SF3A1: variants seen among roughly 807,000 people sequenced by gnomAD.
SF3A1 encodes SAP 114.
In SF3A1, 13 loss-of-function variants were observed where a neutral mutation model predicts 89.9. That is an observed-to-expected ratio of 0.14 (90% CI 0.09 to 0.23). The LOEUF (loss-of-function observed/expected upper bound fraction) is 0.23. Among genes scored for constraint, SF3A1 ranks in the 10% least tolerant of loss-of-function variants. SF3A1 has a pLI of 1.00. For synonymous variants in SF3A1, 405 were observed against 374.4 expected, an observed-to-expected ratio of 1.08 and a Z score of -0.94; for missense variants, 604 against 1,022.1, an observed-to-expected ratio of 0.59 and a Z score of 5.58.
intron 7 of SF3A1, among the ~76,000 whole-genome samples, chr22:30,341,040 C>T (rs2145807808): frequency 6.6e-6 from 1 of 150,608 alleles, no homozygotes; most frequent in East Asian, 2.0e-4. Flanking sequence ...CAGGCATTTC[C>T]AGCAGCTGGC....
chr22:30,353,754 G>A (rs934863481), intron 1 of SF3A1, among the ~76,000 whole-genome samples: 2 of 152,084 alleles, frequency 1.3e-5, no homozygotes, highest in Admixed American at 1.3e-4. Flanking sequence ...GTCTGCCGAC[G>A]CTCCCGGATG....
At chr22:30,351,301 T>TAA (rs796147259) in intron 2 of SF3A1, among the ~76,000 whole-genome samples, 1 of 143,394 alleles carries the variant, frequency 7.0e-6, no homozygotes. Context: ...CCATGTCATT[T>TAA]AAAAAAAAAA....
In SF3A1 at chr22:30,333,931, G is replaced by C. The variant is rs1930987763; in HGVS notation, c.*663C>G. 1 of 152,172 alleles carries C rather than the reference G, an allele frequency of 6.6e-6. No homozygotes were observed. Among genetic ancestry groups the C allele is most frequent in the Admixed American group, 6.5e-5 (1 of 15,270 alleles). 9.4% of individuals were successfully genotyped at this position (152,172 alleles called of 1,614,324 possible). On this transcript the variant is annotated 3_prime_UTR_variant, in exon 16 of 16. Coordinates refer to ENST00000215793, the MANE Select transcript of SF3A1 (RefSeq NM_005877.6). Reference sequence around the variant, plus strand: ...ACAGGGACTGCACCATCCATCCTTGGTTTGCATGGTGCCTGCCATGCTTCC... The same window carrying C: ...ACAGGGACTGCACCATCCATCCTTGCTTTGCATGGTGCCTGCCATGCTTCC...
At chr22:30,336,650 G>T (rs981077384) in intron 13 of SF3A1, among the ~76,000 whole-genome samples, 8 of 152,116 alleles carry the variant, frequency 5.3e-5, no homozygotes, top group Non-Finnish European at 1.2e-4. Flanking sequence ...GCTAGAGCTG[G>T]GGAGGAAGGC....
intron 1 of SF3A1, among the ~76,000 whole-genome samples, chr22:30,356,393 G>C (rs763792641): frequency 2.6e-5 from 4 of 152,246 alleles, no homozygotes; most frequent in African/African-American, 9.6e-5. Flanking sequence ...AAGATCAGAG[G>C]ATGGGCTGGA....
chr22:30,337,906 G>T lies in SF3A1; in HGVS notation c.1744-9C>A, dbSNP rs368044406. The T allele has an allele frequency of 1.1e-4, 169 of 1,590,156 alleles. No homozygotes were observed. Among genetic ancestry groups the T allele is most frequent in the Non-Finnish European group, 1.0e-4 (118 of 1,167,356 alleles). ...CGAACTGGAGGTGGCATCTGTGCAG[G>T]AAAGAGACCCACAGATTACAGGAAG... On this transcript the variant is annotated splice_polypyrimidine_tract_variant and intron_variant, in intron 11 of 15. Coordinates refer to ENST00000215793, the MANE Select transcript of SF3A1 (RefSeq NM_005877.6).
chr22:30,352,888 ATTCAGTG>A (rs2145823321), intron 2 of SF3A1, 56 bp downstream of exon 2: 1 of 1,591,070 alleles, frequency 6.3e-7, no homozygotes, highest in East Asian at 2.2e-5. Flanking sequence ...CCTTGTGCTG[ATTCAGTG>A]CTGAAGTCTC....
intron 1 of SF3A1, 133 bp from the exon 2 acceptor site, chr22:30,353,205 C>A: frequency 8.5e-7 from 1 of 1,176,678 alleles, no homozygotes; most frequent in Non-Finnish European, 1.2e-6. Context: ...GAACCCTCTA[C>A]TTCAGAAAAG....
At chr22:30,337,227 C>G in intron 12 of SF3A1, 47 bp from the exon 13 acceptor site, 1 of 1,538,906 alleles carries the variant, frequency 6.5e-7, no homozygotes, top group Middle Eastern at 2.1e-4. Context: ...AGAAGGGGCC[C>G]AGGACTCAGG....
At chr22:30,352,813 C>T in intron 2 of SF3A1, 138 bp downstream of exon 2, 1 of 968,482 alleles carries the variant, frequency 1.0e-6, no homozygotes, top group South Asian at 1.6e-5. Context: ...TATTGCCTAC[C>T]CCAGTGCCAT....
intron 1 of SF3A1, among the ~76,000 whole-genome samples, chr22:30,356,294 G>A (rs1366695494): frequency 6.6e-6 from 1 of 152,224 alleles, no homozygotes; most frequent in Non-Finnish European, 1.5e-5. Context: ...AATAGATGCT[G>A]AGAATTAACA....
intron 13 of SF3A1, 38 bp from the exon 14 acceptor site, chr22:30,335,791 C>T (rs548044191): frequency 4.6e-6 from 7 of 1,536,348 alleles, no homozygotes; most frequent in African/African-American, 4.1e-5. Context: ...CTAGGGAGCT[C>T]GGAGCCAATC....
chr22:30,341,635 C>A (rs950962548), intron 7 of SF3A1, 57 bp downstream of exon 7: 2 of 1,467,056 alleles, frequency 1.4e-6, no homozygotes, highest in African/African-American at 1.4e-5. Flanking sequence ...GAGAGCACTT[C>A]GACCTCCTGG....
Position 30,338,987 on chromosome 22 carries a change from A to T in SF3A1, c.1545T>A (p.Ala515=). 1 of 1,614,196 alleles carries T rather than the reference A, an allele frequency of 6.2e-7. No individual in the cohort carries two copies. Among genetic ancestry groups the T allele is most frequent in the African/African-American group, 1.3e-5 (1 of 75,056 alleles). Residue 515 remains alanine (A), a synonymous_variant, in exon 11 of 16, where the codon GCT becomes GCA. Transcript: ENST00000215793. ...CCTGGAGGGTGATGTTGGCCTGGGC[A>T]GCCTGCTGGGTCCGGGCCATGCTGC... The part of the protein sequence containing the change: ...HSGSMARTQQ[A]AQANITLQEQ...
chr22:30,335,891 A>G (rs1392659184), intron 13 of SF3A1, 138 bp from the exon 14 acceptor site: 4 of 718,322 alleles, frequency 5.6e-6, no homozygotes, highest in Non-Finnish European at 5.0e-6. Flanking sequence ...CACCACTGAT[A>G]ACCCCTTGTG....
rs760932879 is a variant in SF3A1 at position 30,338,774 on chromosome 22, T to C, written c.1743+15A>G. The stretch of plus-strand genomic sequence containing the variant: ...AGCTCTAAAAAAGTCAGTTCCAGGG[T>C]AGATGCTGGCTTACTGTGGGTGGTC... On this transcript the variant is annotated intron_variant, in intron 11 of 15. Coordinates refer to ENST00000215793, the MANE Select transcript of SF3A1 (RefSeq NM_005877.6). The C allele has an allele frequency of 3.7e-6, 6 of 1,613,630 alleles. No individual in the cohort carries two copies. Among genetic ancestry groups the C allele is most frequent in the Non-Finnish European group, 4.2e-6 (5 of 1,179,936 alleles).
At chr22:30,335,594 T>G in intron 14 of SF3A1, 56 bp from the exon 15 acceptor site, 2 of 1,608,082 alleles carry the variant, frequency 1.2e-6, no homozygotes, top group South Asian at 1.1e-5. Context: ...TAGAGGAAGC[T>G]TTCCCCTGAA....
In SF3A1 at chr22:30,340,313, T is replaced by TTA. The variant is rs1277963664; in HGVS notation, c.1257_1258insTA (p.Ile420Ter). The TTA allele has an allele frequency of 6.2e-7, 1 of 1,612,734 alleles. No homozygotes were observed. The highest frequency in any genetic ancestry group is 8.5e-7 in the Non-Finnish European group (1 of 1,179,648). On this transcript the variant is annotated frameshift_variant, in exon 9 of 16. Transcript: ENST00000215793. LOFTEE classifies it high-confidence loss of function. ...TGTTCCTGCATTTTGCTGGCGGGGA[T>TTA]CTTCTCCCCAGTAATGGGGGACACA...
Position 30,337,188 on chromosome 22 carries a change from G to A in SF3A1, c.1952-8C>T. On this transcript the variant is annotated splice_region_variant and splice_polypyrimidine_tract_variant and intron_variant, in intron 12 of 15. Coordinates refer to ENST00000215793, the MANE Select transcript of SF3A1 (RefSeq NM_005877.6). ...GTGGAGCAGGCACAAAGGCTGCAAAGACAAGAATAAGCAGCCCCATGAGAG... is the reference window on the plus strand; with the variant it reads ...GTGGAGCAGGCACAAAGGCTGCAAAAACAAGAATAAGCAGCCCCATGAGAG... 6.2e-7 allele frequency: 1 copy of A among 1,604,564 alleles called. No homozygotes were observed. Among genetic ancestry groups the A allele is most frequent in the Non-Finnish European group, 8.5e-7 (1 of 1,175,400 alleles).
Sources: gnomAD v4.1 joint callset for allele counts (sites outside exome capture counted in the v4.1 genomes callset) on GRCh38, gnomAD v4.1.1 for gene constraint, MANE v1.5 for transcripts, NCBI Gene and HGNC (gene_info 2026-07-23, HGNC 2026-07-21) for gene names.